COG3: variants seen among roughly 807,000 people sequenced by gnomAD.
The protein encoded by COG3 is component of oligomeric golgi complex 3.
Under a neutral mutation model 114.1 loss-of-function variants are expected in COG3, and 32 were observed. The observed-to-expected ratio is 0.28, with a 90% CI of 0.21 to 0.38. The LOEUF (loss-of-function observed/expected upper bound fraction) is 0.38. Among genes scored for constraint, COG3 ranks in the 10% least tolerant of loss-of-function variants. The pLI, the probability that COG3 is intolerant of heterozygous loss-of-function variation, is 1.00. For missense variants in COG3, 813 were observed against 973.2 expected (o/e 0.84, Z 2.19); for synonymous variants, 352 against 365.7 (o/e 0.96, Z 0.43).
At chr13:45,504,458 G>A (rs552607354) in intron 14 of COG3, among the ~76,000 whole-genome samples, 2 of 152,204 alleles carry the variant, frequency 1.3e-5, no homozygotes, top group Admixed American at 6.5e-5. Context: ...GGACTTGTGC[G>A]TTTTCTCTTT....
At chr13:45,495,471 G>A (rs1371187883) in intron 12 of COG3, among the ~76,000 whole-genome samples, 2 of 151,818 alleles carry the variant, frequency 1.3e-5, no homozygotes, top group Admixed American at 1.3e-4. Flanking sequence ...TCAACTTCCC[G>A]GGCTCAGGTG....
intron 20 of COG3, among the ~76,000 whole-genome samples, chr13:45,529,138 C>T (rs550359646): frequency 6.6e-6 from 1 of 152,270 alleles, no homozygotes; most frequent in East Asian, 1.9e-4. Flanking sequence ...GGTTGAGCAT[C>T]TTTGAAATTG....
chr13:45,509,641 G>A, intron 14 of COG3, 51 bp from the exon 15 acceptor site: 1 of 1,597,766 alleles, frequency 6.3e-7, no homozygotes, highest in Non-Finnish European at 8.6e-7. Flanking sequence ...ATTATTGTAA[G>A]ACAAATATCC....
intron 20 of COG3, among the ~76,000 whole-genome samples, chr13:45,525,348 A>G (rs926062120): frequency 6.6e-6 from 1 of 152,040 alleles, no homozygotes; most frequent in Non-Finnish European, 1.5e-5. Context: ...CCCACTATTC[A>G]TTGTGTTCAA....
In COG3 at chr13:45,523,587, C is replaced by A. The variant is rs1872400019; in HGVS notation, c.2155-1389C>A. Among the ~76,000 whole-genome samples, 3 of 152,104 alleles carry A rather than the reference C, an allele frequency of 2.0e-5. No individual in the cohort carries two copies. In the South Asian group the frequency reaches 6.2e-4, roughly 32 times the overall value. ...TTTGACTTAAAGATAAGTAAACTAT[C>A]TGGATAGTAAATAGAGATTAATATA... On this transcript the variant is annotated intron_variant, in intron 19 of 22. Coordinates refer to ENST00000349995, the MANE Select transcript of COG3 (RefSeq NM_031431.4).
At chr13:45,473,988 C>G (rs1885686817) in intron 1 of COG3, among the ~76,000 whole-genome samples, 1 of 152,102 alleles carries the variant, frequency 6.6e-6, no homozygotes, top group Non-Finnish European at 1.5e-5. Context: ...ACAAGTGATG[C>G]CCTTAATAAG....
Position 45,535,564 on chromosome 13 carries a change from A to C in COG3, c.*833A>C, listed in dbSNP as rs1448955969. ...TGAGGAGTAGTGTTCCTCCTGAATGAAGGTTCAGGTCACCAGCCTTCTGTA... is the reference window on the plus strand; with the variant it reads ...TGAGGAGTAGTGTTCCTCCTGAATGCAGGTTCAGGTCACCAGCCTTCTGTA... On this transcript the variant is annotated 3_prime_UTR_variant, in exon 23 of 23. Transcript: ENST00000349995. 1.0e-6 allele frequency: 1 copy of C among 984,206 alleles called. No individual in the cohort carries two copies. The highest frequency in any genetic ancestry group is 1.2e-6 in the Non-Finnish European group (1 of 828,910). The allele number at this position is 984,206 out of a possible 1,614,324, so 61.0% of individuals were successfully genotyped here. A position where few individuals can be genotyped will look rare whatever the true frequency, so the allele number is the denominator to read the frequency against.
Position 45,483,226 on chromosome 13 carries a change from A to G in COG3, c.718-4A>G. On this transcript the variant is annotated splice_region_variant and splice_polypyrimidine_tract_variant and intron_variant, in intron 6 of 22. Coordinates refer to ENST00000349995, the MANE Select transcript of COG3 (RefSeq NM_031431.4). ...CTTTGTAAATCTTTCTCTTTTCCTT[A>G]CAGCCTAATTTTAAAGATTATCCCA... 1 of 1,578,382 alleles carries G rather than the reference A, an allele frequency of 6.3e-7. No individual in the cohort carries two copies. The highest frequency in any genetic ancestry group is 8.7e-7 in the Non-Finnish European group (1 of 1,155,508).
At chr13:45,518,239 C>G (rs1871748990) in intron 17 of COG3, among the ~76,000 whole-genome samples, 1 of 152,192 alleles carries the variant, frequency 6.6e-6, no homozygotes, top group South Asian at 2.1e-4. Context: ...TCAAGACTAA[C>G]ATTATATTGT....
chr13:45,491,605 C>T, intron 10 of COG3, 67 bp downstream of exon 10: 1 of 1,443,006 alleles, frequency 6.9e-7, no homozygotes. Flanking sequence ...ATCCTAGAAA[C>T]TATACCTGGT....
In COG3 at chr13:45,535,356, G is replaced by A. The variant is rs1873481689; in HGVS notation, c.*625G>A. The A allele has an allele frequency of 1.0e-6, 1 of 985,346 alleles. No individual in the cohort carries two copies. Among genetic ancestry groups the A allele is most frequent in the Non-Finnish European group, 1.2e-6 (1 of 829,958 alleles). 61.0% of individuals were successfully genotyped at this position (985,346 alleles called of 1,614,324 possible). On this transcript the variant is annotated 3_prime_UTR_variant, in exon 23 of 23. Transcript: ENST00000349995. ...TACAAGGACTTTGTGTGAAGCTCCA[G>A]CATCTGTGCCCCTTGAATTGCTTAG...
chr13:45,477,223 T>C (rs556364236), intron 2 of COG3, among the ~76,000 whole-genome samples: 1 of 152,306 alleles, frequency 6.6e-6, no homozygotes, highest in East Asian at 1.9e-4. Flanking sequence ...ATGGCAAGCC[T>C]GTATACCCTT....
At chr13:45,478,918 G>T in intron 2 of COG3, 87 bp from the exon 3 acceptor site, 1 of 891,064 alleles carries the variant, frequency 1.1e-6, no homozygotes. Flanking sequence ...GATAACGTCT[G>T]TCCTTTTGAC....
At chr13:45,483,678 C>G (rs1886395237) in intron 7 of COG3, among the ~76,000 whole-genome samples, 1 of 151,910 alleles carries the variant, frequency 6.6e-6, no homozygotes, top group African/African-American at 2.4e-5. Flanking sequence ...GGAAATATAC[C>G]AAAATCATAA....
At chr13:45,481,062 ATAT>A (rs1251644614) in intron 4 of COG3, among the ~76,000 whole-genome samples, 165 bp from the exon 5 acceptor site, 3 of 152,232 alleles carry the variant, frequency 2.0e-5, no homozygotes, top group African/African-American at 4.8e-5. Context: ...ATTTACTGTA[ATAT>A]TATCGCCCCT....
chr13:45,517,092 C>T (rs1251824715), intron 17 of COG3, among the ~76,000 whole-genome samples: 1 of 152,172 alleles, frequency 6.6e-6, no homozygotes, highest in African/African-American at 2.4e-5. Flanking sequence ...ACACATCCCT[C>T]ATGTCCCTTA....
chr13:45,515,967 A>C (rs1413064584), intron 16 of COG3, among the ~76,000 whole-genome samples, 176 bp from the exon 17 acceptor site: 1 of 152,212 alleles, frequency 6.6e-6, no homozygotes, highest in Non-Finnish European at 1.5e-5. Flanking sequence ...TAAGAGTTTG[A>C]AGCAAGATTT....
At chr13:45,499,404 T>G (rs1869214095) in intron 13 of COG3, among the ~76,000 whole-genome samples, 1 of 152,230 alleles carries the variant, frequency 6.6e-6, no homozygotes, top group Non-Finnish European at 1.5e-5. Flanking sequence ...TGTCAGACGT[T>G]TGATTCTAAA....
At chr13:45,506,761 C>G (rs1870197335) in intron 14 of COG3, among the ~76,000 whole-genome samples, 1 of 152,146 alleles carries the variant, frequency 6.6e-6, no homozygotes, top group African/African-American at 2.4e-5. Context: ...TTCCTGGTTT[C>G]CCGGTTCCCT....
Sources: gnomAD v4.1 joint callset for allele counts (sites outside exome capture counted in the v4.1 genomes callset) on GRCh38, gnomAD v4.1.1 for gene constraint, MANE v1.5 for transcripts, NCBI Gene and HGNC (gene_info 2026-07-23, HGNC 2026-07-21) for gene names.